DOCK3: variants seen among roughly 807,000 people sequenced by gnomAD.
DOCK3 encodes the protein dedicator of cytokinesis protein 3.
DOCK3 carries 60 observed loss-of-function variants against 265.6 expected under a neutral mutation model. That is an observed-to-expected ratio of 0.23 (90% CI 0.18 to 0.28). The LOEUF is 0.28. Ranked by LOEUF, DOCK3 falls within the 10% of genes least tolerant of loss-of-function variation. The pLI, the probability that DOCK3 is intolerant of heterozygous loss-of-function variation, is 1.00. For missense variants in DOCK3, 1,981 were observed against 2,594.3 expected (o/e 0.76, Z 5.14); for synonymous variants, 881 against 938.0 (o/e 0.94, Z 1.11).
chr3:50,701,716 T>G (rs183107872), intron 1 of DOCK3, among the ~76,000 whole-genome samples: 1 of 152,344 alleles, frequency 6.6e-6, no homozygotes, highest in East Asian at 1.9e-4. Flanking sequence ...TTTACCTCCT[T>G]AATCCATTTT....
intron 3 of DOCK3, among the ~76,000 whole-genome samples, chr3:50,872,286 G>C (rs1218708460): frequency 6.6e-6 from 1 of 152,218 alleles, no homozygotes; most frequent in Non-Finnish European, 1.5e-5. Flanking sequence ...GGTTTTTTCA[G>C]ACTTGTAGAG....
chr3:50,841,505 A>G (rs1205304559), intron 2 of DOCK3, among the ~76,000 whole-genome samples, 170 bp from the exon 3 acceptor site: 1 of 151,922 alleles, frequency 6.6e-6, no homozygotes, highest in East Asian at 1.9e-4. Flanking sequence ...TATTCACCAT[A>G]TGACTGTTCC....
At chr3:51,048,576 G>T (rs1356728818) in intron 5 of DOCK3, among the ~76,000 whole-genome samples, 1 of 152,128 alleles carries the variant, frequency 6.6e-6, no homozygotes, top group African/African-American at 2.4e-5. Flanking sequence ...ATAATTTCAT[G>T]CAGGAAACGA....
At chr3:50,726,986 A>C (rs113404068) in intron 1 of DOCK3, among the ~76,000 whole-genome samples, 2 of 152,214 alleles carry the variant, frequency 1.3e-5, no homozygotes, top group Non-Finnish European at 2.9e-5. Context: ...TGTCTTAAAT[A>C]TACACAAACA....
At chr3:51,366,642 T>C (rs973637759) in intron 49 of DOCK3, among the ~76,000 whole-genome samples, 1 of 152,144 alleles carries the variant, frequency 6.6e-6, no homozygotes. Flanking sequence ...ATAAATTTCC[T>C]TCTACACACT....
intron 5 of DOCK3, among the ~76,000 whole-genome samples, chr3:50,956,253 G>A (rs2076726471): frequency 6.6e-6 from 1 of 152,164 alleles, no homozygotes; most frequent in South Asian, 2.1e-4. Context: ...TGGTTGGAGA[G>A]CAACTCCAAT....
rs149220176 is a variant in DOCK3, at chr3:51,272,843, C to G, written c.2548+1836C>G. Among the ~76,000 whole-genome samples, 210 of 152,096 alleles carry G rather than the reference C, an allele frequency of 1.4e-3. 2 individuals are homozygous for G. The highest frequency in any genetic ancestry group is 4.8e-3 in the African/African-American group (200 of 41,538). ...CACACTGTCACTGAAGGCCACTGTA[C>G]ACACTTGAGCTTTGTGCACTGCTTA... On this transcript the variant is annotated intron_variant, in intron 24 of 52. Coordinates refer to ENST00000266037, the MANE Select transcript of DOCK3 (RefSeq NM_004947.5).
intron 5 of DOCK3, among the ~76,000 whole-genome samples, chr3:50,977,374 A>G (rs1406545289): frequency 1.3e-5 from 2 of 152,080 alleles, no homozygotes; most frequent in Non-Finnish European, 2.9e-5. Flanking sequence ...GCTTGTCTGT[A>G]AAGTATTGTA....
intron 22 of DOCK3, among the ~76,000 whole-genome samples, chr3:51,256,395 T>G (rs2079548490): frequency 6.6e-6 from 1 of 152,228 alleles, no homozygotes; most frequent in East Asian, 1.9e-4. Context: ...CTTAGTCTCC[T>G]GAGTAGCTGG....
At chr3:50,900,768 C>G (rs2049149695) in intron 4 of DOCK3, 2 of 438,722 alleles carry the variant, frequency 4.6e-6, no homozygotes, top group Non-Finnish European at 9.0e-6. Flanking sequence ...TGCAGGAGGT[C>G]CACTTCAGAC....
At position 50,680,512 on chromosome 3, in the gene DOCK3, C is replaced by CT. The variant is rs3066820; in HGVS notation, c.37+5236dup. On this transcript the variant is annotated intron_variant, in intron 1 of 52. Coordinates refer to ENST00000266037, the MANE Select transcript of DOCK3 (RefSeq NM_004947.5). ...TACAGGCATGAGCCACCGTGCCCTG[C>CT]TTTTTTTTTTTTTTTTTTTTTTTTA... Among the ~76,000 whole-genome samples, 20 of 72,898 alleles carry CT rather than the reference C, an allele frequency of 2.7e-4. 1 individual carries two copies. The highest frequency in any genetic ancestry group is 8.7e-4 in the African/African-American group (15 of 17,296). The allele number at this position is 72,898 out of a possible 152,430, so 47.8% of individuals were successfully genotyped here.
chr3:51,232,278 A>C (rs1418445894), intron 19 of DOCK3, among the ~76,000 whole-genome samples: 2 of 152,004 alleles, frequency 1.3e-5, no homozygotes, highest in African/African-American at 4.8e-5. Flanking sequence ...ATCCCTCACT[A>C]CCTTCCTAAT....
At chr3:50,769,726 C>T (rs776980896) in intron 1 of DOCK3, among the ~76,000 whole-genome samples, 2 of 148,996 alleles carry the variant, frequency 1.3e-5, no homozygotes, top group Non-Finnish European at 3.0e-5. Flanking sequence ...ACAGGAGAAT[C>T]GCTTGAACCT....
chr3:50,879,364 G>A (rs1383347492), intron 3 of DOCK3, among the ~76,000 whole-genome samples: 2 of 152,132 alleles, frequency 1.3e-5, no homozygotes, highest in Admixed American at 1.3e-4. Context: ...ACCCATCAGT[G>A]TGCTATATTC....
At chr3:50,782,638 G>GT (rs933671483) in intron 2 of DOCK3, among the ~76,000 whole-genome samples, 4 of 150,066 alleles carry the variant, frequency 2.7e-5, no homozygotes, top group Non-Finnish European at 4.4e-5. Flanking sequence ...TCAAAATTAA[G>GT]TTTTTTTATT....
chr3:50,695,328 A>G (rs2107771213), intron 1 of DOCK3, among the ~76,000 whole-genome samples: 2 of 152,392 alleles, frequency 1.3e-5, no homozygotes, highest in East Asian at 3.9e-4. Context: ...CTTTGCTCTC[A>G]GGTTCCCCTG....
intron 21 of DOCK3, among the ~76,000 whole-genome samples, chr3:51,239,566 G>T (rs13076659): frequency 0.6 from 70,939 of 118,524 alleles, 17,906 homozygotes; most frequent in Middle Eastern, 0.68. Flanking sequence ...TTTTTTTTTT[G>T]TTTGTTTGTT....
At chr3:51,036,942 C>A (rs1175477530) in intron 5 of DOCK3, among the ~76,000 whole-genome samples, 2 of 152,168 alleles carry the variant, frequency 1.3e-5, no homozygotes, top group African/African-American at 4.8e-5. Flanking sequence ...ACTTGCTCCT[C>A]CTTGCCTTCT....
chr3:50,872,766 C>T (rs1310315556), intron 3 of DOCK3, among the ~76,000 whole-genome samples: 1 of 152,206 alleles, frequency 6.6e-6, no homozygotes, highest in African/African-American at 2.4e-5. Flanking sequence ...CACCATCCTT[C>T]CCCTTCTTTC....
Sources: gnomAD v4.1 joint callset for allele counts (sites outside exome capture counted in the v4.1 genomes callset) on GRCh38, gnomAD v4.1.1 for gene constraint, MANE v1.5 for transcripts, NCBI Gene and HGNC (gene_info 2026-07-23, HGNC 2026-07-21) for gene names.